Variants in BRAF observed in about 807,000 individuals in gnomAD.
The protein encoded by BRAF is serine/threonine-protein kinase B-raf.
Under a neutral mutation model 104.6 loss-of-function variants are expected in BRAF, and 16 were observed. That is an observed-to-expected ratio of 0.15 (90% CI 0.10 to 0.23). The LOEUF is 0.23. Ranked by LOEUF, BRAF falls within the 10% of genes least tolerant of loss-of-function variation. The pLI, the probability that BRAF is intolerant of heterozygous loss-of-function variation, is 1.00. For synonymous variants in BRAF, 310 were observed against 341.6 expected, an observed-to-expected ratio of 0.91 and a Z score of 1.02; for missense variants, 541 against 937.3, an observed-to-expected ratio of 0.58 and a Z score of 5.52.
At chr7:140,747,020 T>C (rs1797410671) in intron 17 of BRAF, among the ~76,000 whole-genome samples, 1 of 152,110 alleles carries the variant, frequency 6.6e-6, no homozygotes, top group Non-Finnish European at 1.5e-5. Flanking sequence ...TCACATTGCA[T>C]AGTAAAGAAT....
Position 140,781,619 on chromosome 7 carries a change from A to T in BRAF, c.1509T>A (p.Ile503=), listed in dbSNP as rs1428310180. 1 of 1,614,016 alleles carries T rather than the reference A, an allele frequency of 6.2e-7. No individual in the cohort carries two copies. The highest frequency in any genetic ancestry group is 8.5e-7 in the Non-Finnish European group (1 of 1,180,020). Residue 503 remains isoleucine (I), a synonymous_variant, in exon 12 of 20, where the codon ATT becomes ATA. Transcript: ENST00000644969. ...AGACTGTTCCAAATGATCCAGATCCAATTCTTTGTCCCACTGTAATCTGCC... is the reference window on the plus strand; with the variant it reads ...AGACTGTTCCAAATGATCCAGATCCTATTCTTTGTCCCACTGTAATCTGCC... ...PDGQITVGQR[I]GSGSFGTVYK...
At chr7:140,729,017 G>C (rs141228650) in intron 19 of BRAF, among the ~76,000 whole-genome samples, 11 of 150,216 alleles carry the variant, frequency 7.3e-5, no homozygotes, top group African/African-American at 2.5e-4. Context: ...CTTGAGCCCA[G>C]GAGTTTGAGA....
At chr7:140,735,129 C>G (rs1796300222) in intron 18 of BRAF, among the ~76,000 whole-genome samples, 1 of 152,166 alleles carries the variant, frequency 6.6e-6, no homozygotes, top group South Asian at 2.1e-4. Context: ...TTATAGACCA[C>G]AAGTCTCTTT....
rs758506511 is a variant in BRAF, at chr7:140,834,649, G to A, written c.464C>T (p.Pro155Leu). ...ARSNPKSPQK[P>L]IVRVFLPNKQ... ...GTTGGGCAGGAAGACTCTAACGATA[G>A]GTTTTTGTGGTGACTTGGGGTTGCT... Residue 155 changes from proline (P) to leucine (L), a missense_variant, in exon 3 of 20, where the codon CCT becomes CTT. Transcript: ENST00000644969. The A allele has an allele frequency of 6.2e-7, 1 of 1,614,138 alleles. No homozygotes were observed. The highest frequency in any genetic ancestry group is 8.5e-7 in the Non-Finnish European group (1 of 1,180,020).
At position 140,725,619 on chromosome 7, in the gene BRAF, C is replaced by T. The variant is rs1048114745; in HGVS notation, c.*875G>A. 4 of 1,058,534 alleles carry T rather than the reference C, an allele frequency of 3.8e-6. No homozygotes were observed. Among genetic ancestry groups the T allele is most frequent in the Non-Finnish European group, 4.6e-6 (4 of 875,184 alleles). The allele number at this position is 1,058,534 out of a possible 1,614,324, so 65.6% of individuals were successfully genotyped here. On this transcript the variant is annotated 3_prime_UTR_variant, in exon 20 of 20. Transcript: ENST00000644969. ...GCATTTTGTGCCCTGGACAAAGTAGCCGCATAAGTAGTTGGTGACTGGAAG... is the reference window on the plus strand; with the variant it reads ...GCATTTTGTGCCCTGGACAAAGTAGTCGCATAAGTAGTTGGTGACTGGAAG...
intron 1 of BRAF, among the ~76,000 whole-genome samples, chr7:140,871,239 CAAA>C (rs11284186): frequency 6.5e-5 from 4 of 61,178 alleles, no homozygotes; most frequent in African/African-American, 1.7e-4. Context: ...GACTCCGTCT[CAAA>C]AAAAAAAAAA....
chr7:140,919,462 G>A (rs1817978586), intron 1 of BRAF, among the ~76,000 whole-genome samples: 1 of 147,076 alleles, frequency 6.8e-6, no homozygotes, highest in Non-Finnish European at 1.5e-5. Context: ...TAGAATAATA[G>A]TTTTTTTTTT....
intron 19 of BRAF, chr7:140,733,572 A>T (rs1796148413): frequency 6.6e-6 from 1 of 152,256 alleles, no homozygotes; most frequent in African/African-American, 2.4e-5. Flanking sequence ...TGAATGAAAA[A>T]AGGAGAAGAG....
intron 14 of BRAF, among the ~76,000 whole-genome samples, chr7:140,775,047 C>T (rs572995418): frequency 6.6e-5 from 10 of 152,076 alleles, no homozygotes; most frequent in East Asian, 3.9e-4. Context: ...TGGAGCTATG[C>T]GTTATAAAGA....
chr7:140,886,427 A>G (rs1813568773), intron 1 of BRAF, among the ~76,000 whole-genome samples: 1 of 152,162 alleles, frequency 6.6e-6, no homozygotes, highest in African/African-American at 2.4e-5. Flanking sequence ...AATACAACCT[A>G]AACTTCCTAG....
At chr7:140,795,556 AT>A (rs1370737429) in intron 7 of BRAF, among the ~76,000 whole-genome samples, 1 of 152,236 alleles carries the variant, frequency 6.6e-6, no homozygotes, top group Non-Finnish European at 1.5e-5. Context: ...TGGGAAAAAA[AT>A]ATAGTAGGAA....
chr7:140,821,275 C>T (rs1023647905), intron 3 of BRAF, among the ~76,000 whole-genome samples: 6 of 149,414 alleles, frequency 4.0e-5, no homozygotes, highest in Non-Finnish European at 7.4e-5. Flanking sequence ...CAAGCCACTA[C>T]ACCCAGCGTC....
At position 140,837,854 on chromosome 7, in the gene BRAF, G is replaced by GTTTA. The variant is rs1248679671; in HGVS notation, c.241-2986_241-2983dup. Among the ~76,000 whole-genome samples the GTTTA allele has an allele frequency of 5.9e-5, 9 of 152,272 alleles. No homozygotes were observed. The East Asian group carries it at 1.7e-3, about 29-fold the overall frequency. On this transcript the variant is annotated intron_variant, in intron 2 of 19. Transcript: ENST00000644969. The stretch of plus-strand genomic sequence containing the variant: ...GAAGATCAAAGTCATCAAATGAAAA[G>GTTTA]TTTACTCTACTTCTTTATCTACAAA...
chr7:140,715,940 C>G (rs554560520), downstream of BRAF, among the ~76,000 whole-genome samples: 8 of 152,318 alleles, frequency 5.3e-5, no homozygotes, highest in African/African-American at 1.9e-4. Context: ...ACCTGAGATT[C>G]AGATCCTGCT....
intron 14 of BRAF, among the ~76,000 whole-genome samples, chr7:140,758,644 T>C (rs1406926802): frequency 2.0e-5 from 3 of 152,108 alleles, no homozygotes; most frequent in African/African-American, 7.2e-5. Context: ...TTTGTATAGA[T>C]GGGTCTCACT....
chr7:140,792,975 A>G (rs1390762644), intron 8 of BRAF, among the ~76,000 whole-genome samples: 1 of 152,268 alleles, frequency 6.6e-6, no homozygotes, highest in East Asian at 1.9e-4. Context: ...ATAGAGAGAA[A>G]TCAATGGCAG....
intron 14 of BRAF, among the ~76,000 whole-genome samples, chr7:140,761,347 T>G (rs188272897): frequency 2.6e-4 from 39 of 152,120 alleles, no homozygotes; most frequent in African/African-American, 8.4e-4. Context: ...CTGAGAGATT[T>G]TGCCACCCCC....
At chr7:140,921,608 G>A (rs1290199412) in intron 1 of BRAF, among the ~76,000 whole-genome samples, 1 of 151,880 alleles carries the variant, frequency 6.6e-6, no homozygotes, top group Non-Finnish European at 1.5e-5. Context: ...AAACTACATA[G>A]TGTTATAAAA....
chr7:140,769,367 C>T (rs1436972379), intron 14 of BRAF, among the ~76,000 whole-genome samples: 3 of 151,032 alleles, frequency 2.0e-5, no homozygotes, highest in Non-Finnish European at 3.0e-5. Flanking sequence ...CATGAGCCAC[C>T]GTGCTTGGCC....
Sources: gnomAD v4.1 joint callset for allele counts (sites outside exome capture counted in the v4.1 genomes callset) on GRCh38, gnomAD v4.1.1 for gene constraint, MANE v1.5 for transcripts, NCBI Gene and HGNC (gene_info 2026-07-23, HGNC 2026-07-21) for gene names.